The following CLINT1 variants were observed in gnomAD, a reference collection of about 807,000 sequenced individuals.
CLINT1 encodes the protein clathrin interacting protein localized in the trans-Golgi region.
Under a neutral mutation model 70.4 loss-of-function variants are expected in CLINT1, and 15 were observed. The ratio of observed to expected loss-of-function variants is 0.21; its 90% CI spans 0.14 to 0.33. CLINT1 has a LOEUF of 0.33. Ranked by LOEUF, CLINT1 falls within the 10% of genes least tolerant of loss-of-function variation. The pLI is 1.00. For synonymous variants in CLINT1, 227 were observed against 254.7 expected, an observed-to-expected ratio of 0.89 and a Z score of 1.04; for missense variants, 615 against 778.1, an observed-to-expected ratio of 0.79 and a Z score of 2.49.
rs1298190783 is a variant in CLINT1, at chr5:157,786,841, G to A, written c.*805C>T. ...ATGGCTACAGGGATAAACACGGAAG[G>A]AAGCCTTGCCAAGTTAATCACTGCA... On this transcript the variant is annotated 3_prime_UTR_variant, in exon 12 of 12. Transcript: ENST00000411809. 1 of 152,182 alleles carries A rather than the reference G, an allele frequency of 6.6e-6. No individual in the cohort carries two copies. Among genetic ancestry groups the A allele is most frequent in the African/African-American group, 2.4e-5 (1 of 41,452 alleles). The allele number at this position is 152,182 out of a possible 1,614,324, so 9.4% of individuals were successfully genotyped here. A position where few individuals can be genotyped will look rare whatever the true frequency, so the allele number is the denominator to read the frequency against.
At chr5:157,801,814 GGGGC>G (rs1305646647) in intron 8 of CLINT1, among the ~76,000 whole-genome samples, 4 of 152,174 alleles carry the variant, frequency 2.6e-5, no homozygotes, top group African/African-American at 9.6e-5. Context: ...GAAATAATAG[GGGGC>G]TTTATATTAC....
chr5:157,823,202 A>G (rs1443751437), intron 1 of CLINT1, among the ~76,000 whole-genome samples: 1 of 152,248 alleles, frequency 6.6e-6, no homozygotes, highest in East Asian at 1.9e-4. Context: ...AGACAGAAAC[A>G]TCTGGAGACA....
At chr5:157,808,574 G>C (rs1319810684) in intron 6 of CLINT1, among the ~76,000 whole-genome samples, 1 of 152,044 alleles carries the variant, frequency 6.6e-6, no homozygotes, top group Non-Finnish European at 1.5e-5. Context: ...AGTAAAATTT[G>C]CTCTGTAAAT....
chr5:157,808,901 C>T (rs1271564756), intron 6 of CLINT1, among the ~76,000 whole-genome samples: 1 of 151,906 alleles, frequency 6.6e-6, no homozygotes, highest in East Asian at 1.9e-4. Context: ...ATCTTAGGTC[C>T]CTGGATCATC....
At chr5:157,845,817 G>C (rs1753357803) in intron 1 of CLINT1, among the ~76,000 whole-genome samples, 1 of 152,154 alleles carries the variant, frequency 6.6e-6, no homozygotes, top group Non-Finnish European at 1.5e-5. Context: ...ACCTCCCAAA[G>C]TGCTGGGATT....
chr5:157,848,631 G>A (rs1334237608), intron 1 of CLINT1, among the ~76,000 whole-genome samples: 1 of 151,952 alleles, frequency 6.6e-6, no homozygotes, highest in Non-Finnish European at 1.5e-5. Context: ...AACCTCCCAA[G>A]TAGCTGGGAC....
intron 6 of CLINT1, among the ~76,000 whole-genome samples, chr5:157,806,963 G>GA (rs1561645746): frequency 6.3e-4 from 92 of 145,856 alleles, no homozygotes; most frequent in Non-Finnish European, 1.2e-3. Context: ...GATGTAAGTA[G>GA]GAGAGAGAGA....
At chr5:157,822,011 C>A (rs193205693) in intron 1 of CLINT1, among the ~76,000 whole-genome samples, 2 of 152,326 alleles carry the variant, frequency 1.3e-5, no homozygotes, top group South Asian at 2.1e-4. Flanking sequence ...GTGCCAACTG[C>A]GAGAAGTTAC....
chr5:157,840,851 C>G (rs187514619), intron 1 of CLINT1, among the ~76,000 whole-genome samples: 71 of 151,850 alleles, frequency 4.7e-4, no homozygotes, highest in African/African-American at 1.7e-3. Context: ...CGAGAACAGC[C>G]TGAGCAACAC....
intron 8 of CLINT1, among the ~76,000 whole-genome samples, chr5:157,800,633 A>C (rs1410469269): frequency 6.6e-6 from 1 of 152,172 alleles, no homozygotes; most frequent in Non-Finnish European, 1.5e-5. Flanking sequence ...TTCTAATATC[A>C]ATCTCTATTA....
intron 10 of CLINT1, 171 bp from the exon 11 acceptor site, chr5:157,789,684 T>C (rs1258751255): frequency 1.6e-5 from 13 of 810,662 alleles, no homozygotes; most frequent in Admixed American, 5.0e-5. Flanking sequence ...TGTTCTATGC[T>C]AATGTCTTCA....
In CLINT1 at chr5:157,812,931, C is replaced by G; in HGVS notation, c.517+132G>C. ...ATAGTAGAAGTCAAGATTAGTACTG[C>G]GTGTATTTTAGTATTCTATGTATTC... On this transcript the variant is annotated intron_variant, in intron 5 of 11. Coordinates refer to ENST00000411809, the MANE Select transcript of CLINT1 (RefSeq NM_014666.4). The G allele has an allele frequency of 5.2e-6, 4 of 776,446 alleles. No individual in the cohort carries two copies. In the Admixed American group the frequency reaches 8.8e-5, roughly 17 times the overall value. The allele number at this position is 776,446 out of a possible 1,614,324, so 48.1% of individuals were successfully genotyped here.
At chr5:157,833,891 GT>G (rs1390044178) in intron 1 of CLINT1, among the ~76,000 whole-genome samples, 1 of 152,120 alleles carries the variant, frequency 6.6e-6, no homozygotes, top group Non-Finnish European at 1.5e-5. Flanking sequence ...GCAGTGGGCC[GT>G]GATCGTGCCA....
chr5:157,847,163 A>G (rs1753410791), intron 1 of CLINT1, among the ~76,000 whole-genome samples: 1 of 152,148 alleles, frequency 6.6e-6, no homozygotes, highest in Non-Finnish European at 1.5e-5. Flanking sequence ...ATCTGGGAAA[A>G]GTAAATTGAA....
rs545226772 is a variant in CLINT1, at chr5:157,839,806, C to T, written c.41+19124G>A. Among the ~76,000 whole-genome samples the T allele has an allele frequency of 2.6e-5, 4 of 151,934 alleles. No individual in the cohort carries two copies. The East Asian group carries it at 5.8e-4, about 22-fold the overall frequency. On this transcript the variant is annotated intron_variant, in intron 1 of 11. Transcript: ENST00000411809. The stretch of plus-strand genomic sequence containing the variant: ...GTATAATCTCTATTTTAAAAATATG[C>T]TTTACCACTAAGTGGAACCAAAACC...
chr5:157,835,870 T>C (rs558574513), intron 1 of CLINT1, among the ~76,000 whole-genome samples: 57 of 152,344 alleles, frequency 3.7e-4, no homozygotes, highest in Admixed American at 3.5e-3. Flanking sequence ...ATAGAAAGAT[T>C]TGAAGAACTA....
intron 8 of CLINT1, among the ~76,000 whole-genome samples, chr5:157,798,214 C>G (rs538073787): frequency 1.8e-4 from 28 of 152,208 alleles, no homozygotes; most frequent in African/African-American, 6.7e-4. Flanking sequence ...AGCATTTTCC[C>G]AGAAAACTTC....
chr5:157,817,519 T>C lies in CLINT1; in HGVS notation c.70A>G (p.Ile24Val). Reference sequence around the variant, plus strand: ...GTTGCCTCTCGAACCTTAGACTCGATCTCTGAATAATTCATAACAACATTG... The same window carrying C: ...GTTGCCTCTCGAACCTTAGACTCGACCTCTGAATAATTCATAACAACATTG... Reference protein sequence around the residue: ...ATNVVMNYSEIESKVREATND... With the variant: ...ATNVVMNYSEVESKVREATND... Residue 24 changes from isoleucine to valine, a missense_variant, in exon 2 of 12, where the codon ATC becomes GTC. Ile to Val is a conservative substitution (Grantham distance 29). Transcript: ENST00000411809. The C allele has an allele frequency of 6.2e-7, 1 of 1,603,746 alleles. No individual in the cohort carries two copies. The highest frequency in any genetic ancestry group is 8.5e-7 in the Non-Finnish European group (1 of 1,174,656).
At chr5:157,811,459 G>A (rs1360545183) in intron 5 of CLINT1, among the ~76,000 whole-genome samples, 1 of 151,786 alleles carries the variant, frequency 6.6e-6, no homozygotes, top group African/African-American at 2.4e-5. Flanking sequence ...CTTGAACCCG[G>A]GAGGCGGAGG....
Sources: allele counts gnomAD v4.1 joint callset (sites outside exome capture counted in the v4.1 genomes callset), GRCh38; gene constraint gnomAD v4.1.1; transcripts MANE v1.5; gene names NCBI Gene and HGNC (gene_info 2026-07-23, HGNC 2026-07-21).